RANBP2: variants seen among roughly 807,000 people sequenced by gnomAD.
RANBP2 encodes the protein E3 SUMO-protein ligase RanBP2.
A neutral mutation model predicts 303.6 loss-of-function variants in RANBP2; 57 were observed. The ratio of observed to expected loss-of-function variants is 0.19; its 90% confidence interval spans 0.15 to 0.23. The LOEUF (loss-of-function observed/expected upper bound fraction) is 0.23, where lower values mean the gene tolerates loss of function less well. RANBP2 is among the 10% of genes least tolerant of loss of function. The pLI is 1.00. For missense variants in RANBP2, 3,138 were observed against 3,780.8 expected (o/e 0.83, Z 4.46); for synonymous variants, 1,167 against 1,301.5 (o/e 0.90, Z 2.23).
chr2:108,943,905 C>T, the RANBP2 span, among the ~76,000 whole-genome samples: 1 of 152,214 alleles, frequency 6.6e-6, no homozygotes, highest in East Asian at 1.9e-4. Context: ...CCCACTGCAC[C>T]TCAGTTACGT....
chr2:108,787,942 T>C, downstream of RANBP2: 2 of 1,104,878 alleles, frequency 1.8e-6, no homozygotes, highest in Admixed American at 5.6e-5. Context: ...ACTCTAACCT[T>C]TGTAATTAAT....
At chr2:109,347,975 C>T in the RANBP2 span, 371,829 of 1,573,392 alleles carry the variant, frequency 0.24, 50,514 homozygotes, top group East Asian at 0.6. Flanking sequence ...GGGTGGGCCC[C>T]GCCAGCCCAT....
chr2:108,933,416 G>A, the RANBP2 span, among the ~76,000 whole-genome samples: 1 of 152,176 alleles, frequency 6.6e-6, no homozygotes, highest in East Asian at 1.9e-4. Flanking sequence ...GGAGAAGGGG[G>A]TCCCAGGGGA....
the RANBP2 span, chr2:109,490,979 G>A: frequency 0.059 from 83,373 of 1,404,588 alleles, 2,793 homozygotes; most frequent in Non-Finnish European, 0.067. Flanking sequence ...GCTGTGGTTT[G>A]GCCTCTGAGG....
the RANBP2 span, among the ~76,000 whole-genome samples, chr2:109,052,793 C>A: frequency 6.6e-6 from 1 of 152,170 alleles, no homozygotes; most frequent in African/African-American, 2.4e-5. Context: ...AGCCACCCGG[C>A]CCGGCCTGTC....
At chr2:109,432,977 G>A in the RANBP2 span, among the ~76,000 whole-genome samples, 1 of 152,264 alleles carries the variant, frequency 6.6e-6, no homozygotes, top group Non-Finnish European at 1.5e-5. Context: ...GTGTTTGTGT[G>A]AGGACAGTGT....
At chr2:108,901,086 C>T in the RANBP2 span, among the ~76,000 whole-genome samples, 4 of 152,278 alleles carry the variant, frequency 2.6e-5, no homozygotes, top group South Asian at 8.3e-4. Context: ...GCAGAATACA[C>T]ATTGTTCATA....
the RANBP2 span, among the ~76,000 whole-genome samples, chr2:109,317,221 C>T: frequency 6.6e-5 from 10 of 152,188 alleles, no homozygotes; most frequent in Admixed American, 2.0e-4. Context: ...AGCTTACCTC[C>T]CACCCGGATG....
the RANBP2 span, among the ~76,000 whole-genome samples, chr2:108,853,975 TA>T: frequency 5.1e-5 from 5 of 98,350 alleles, no homozygotes; most frequent in African/African-American, 3.8e-5. Context: ...AAAATATATA[TA>T]ATATATAATA....
chr2:109,074,625 G>A, the RANBP2 span, among the ~76,000 whole-genome samples: 825 of 150,306 alleles, frequency 5.5e-3, 12 homozygotes, highest in African/African-American at 0.019. Context: ...GCTTGAACCT[G>A]GGAAGTGGAG....
the RANBP2 span, among the ~76,000 whole-genome samples, chr2:109,444,159 TAAAG>T: frequency 6.6e-6 from 1 of 152,174 alleles, no homozygotes; most frequent in African/African-American, 2.4e-5. Flanking sequence ...ACCCATATAT[TAAAG>T]AACAAATCAA....
At chr2:108,753,270 T>C in intron 13 of RANBP2, 111 bp downstream of exon 13, 1 of 1,605,216 alleles carries the variant, frequency 6.2e-7, no homozygotes, top group Non-Finnish European at 8.5e-7. Flanking sequence ...AATGGTAATC[T>C]TGTTTTCTAA....
At chr2:109,615,870 T>G in the RANBP2 span, 3 of 1,613,768 alleles carry the variant, frequency 1.9e-6, no homozygotes, top group Non-Finnish European at 2.5e-6. Context: ...GCGCAAAGCC[T>G]CGGGCAGCTC....
the RANBP2 span, among the ~76,000 whole-genome samples, chr2:109,368,314 C>T: frequency 6.6e-6 from 1 of 152,160 alleles, no homozygotes; most frequent in African/African-American, 2.4e-5. Context: ...TCTTTGTTAT[C>T]ATACCTTGAA....
At chr2:109,638,701 T>A in the RANBP2 span, among the ~76,000 whole-genome samples, 8 of 152,144 alleles carry the variant, frequency 5.3e-5, no homozygotes, top group African/African-American at 1.9e-4. Flanking sequence ...TTGAATGGAG[T>A]CTCAGTAATA....
the RANBP2 span, among the ~76,000 whole-genome samples, chr2:108,836,260 T>G: frequency 6.6e-6 from 1 of 152,236 alleles, no homozygotes; most frequent in African/African-American, 2.4e-5. Context: ...ATAATAGTAT[T>G]TGCCTTTTTG....
At chr2:109,685,588 C>G in the RANBP2 span, among the ~76,000 whole-genome samples, 2 of 152,192 alleles carry the variant, frequency 1.3e-5, no homozygotes, top group Non-Finnish European at 2.9e-5. Flanking sequence ...ATAGGAGCAG[C>G]CCTTGCCCCC....
At chr2:108,878,993 G>A in the RANBP2 span, among the ~76,000 whole-genome samples, 1 of 151,522 alleles carries the variant, frequency 6.6e-6, no homozygotes, top group African/African-American at 2.4e-5. Context: ...AAATATTTAG[G>A]ATAAAGAAGT....
intron 18 of RANBP2, among the ~76,000 whole-genome samples, chr2:108,760,487 G>A (rs1676648520): frequency 1.3e-5 from 2 of 152,028 alleles, no homozygotes; most frequent in South Asian, 4.1e-4. Context: ...CAAATTCTAG[G>A]ACACTGTCCT....
Sources: gnomAD v4.1 joint callset for allele counts (sites outside exome capture counted in the v4.1 genomes callset) on GRCh38, gnomAD v4.1.1 for gene constraint, MANE v1.5 for transcripts, NCBI Gene and HGNC (gene_info 2026-07-23, HGNC 2026-07-21) for gene names.